The following ARSG variants were observed in gnomAD, a reference collection of about 807,000 sequenced individuals.
The protein encoded by ARSG is ASG.
Under a neutral mutation model 50.5 loss-of-function variants are expected in ARSG, and 37 were observed. The ratio of observed to expected loss-of-function variants is 0.73; its 90% CI spans 0.56 to 0.96. ARSG has a LOEUF of 0.96. Among genes scored for constraint, ARSG ranks in the 50% least tolerant of loss-of-function variants. The pLI is 0.00. For synonymous variants in ARSG, 225 were observed against 254.6 expected (o/e 0.88, Z 1.11); for missense variants, 629 against 675.3 (o/e 0.93, Z 0.76).
chr17:68,327,080 G>A (rs894526634), intron 2 of ARSG, among the ~76,000 whole-genome samples: 3 of 152,184 alleles, frequency 2.0e-5, no homozygotes, highest in Admixed American at 6.5e-5. Flanking sequence ...GAAAGACTTT[G>A]TGATAATAGT....
intron 5 of ARSG, among the ~76,000 whole-genome samples, chr17:68,354,649 C>T (rs373068426): frequency 4.0e-4 from 60 of 151,172 alleles, no homozygotes; most frequent in African/African-American, 1.3e-3. Context: ...TTTGGGAGGC[C>T]GAGGTGGGTG....
intron 1 of ARSG, among the ~76,000 whole-genome samples, chr17:68,261,580 T>C (rs532979456): frequency 2.6e-5 from 4 of 152,194 alleles, no homozygotes; most frequent in African/African-American, 9.6e-5. Flanking sequence ...GGTTTTACCA[T>C]GTTGACCAGG....
chr17:68,412,755 C>T (rs972338193), intron 11 of ARSG, among the ~76,000 whole-genome samples: 4 of 152,198 alleles, frequency 2.6e-5, no homozygotes, highest in African/African-American at 4.8e-5. Context: ...CTTTCAGGTA[C>T]ACCAATCAGA....
In ARSG at chr17:68,409,472, T is replaced by C. The variant is rs1456651067; in HGVS notation, c.1303+8022T>C. Among the ~76,000 whole-genome samples the C allele has an allele frequency of 2.0e-5, 3 of 151,368 alleles. No individual in the cohort carries two copies. The East Asian group carries it at 5.8e-4, about 29-fold the overall frequency. ...TTCCTGAGGGCTCTGTTCTGTTCCA[T>C]TGATCTATATCTCTGTTTTGGTACC... On this transcript the variant is annotated intron_variant, in intron 11 of 11. Coordinates refer to ENST00000621439, the MANE Select transcript of ARSG (RefSeq NM_001267727.2).
the ARSG span, among the ~76,000 whole-genome samples, chr17:68,434,315 G>A: frequency 7.2e-5 from 11 of 152,118 alleles, no homozygotes; most frequent in South Asian, 2.1e-4. Flanking sequence ...TGTGCCGGCC[G>A]CCCACACACA....
At chr17:68,412,275 T>G (rs969140468) in intron 11 of ARSG, among the ~76,000 whole-genome samples, 1 of 152,236 alleles carries the variant, frequency 6.6e-6, no homozygotes, top group East Asian at 1.9e-4. Context: ...TTCCTTTCCA[T>G]GTTTAGTGCT....
intron 2 of ARSG, among the ~76,000 whole-genome samples, chr17:68,341,498 T>A (rs1334404046): frequency 6.6e-6 from 1 of 152,220 alleles, no homozygotes; most frequent in East Asian, 1.9e-4. Context: ...AACAGTCCCA[T>A]CTTTTAGATT....
chr17:68,432,624 C>A, the ARSG span, among the ~76,000 whole-genome samples: 1 of 151,998 alleles, frequency 6.6e-6, no homozygotes, highest in Non-Finnish European at 1.5e-5. Flanking sequence ...GCCTCTGTTA[C>A]GTATGTGTTA....
At chr17:68,436,508 G>A in the ARSG span, 6 of 1,603,176 alleles carry the variant, frequency 3.7e-6, no homozygotes, top group East Asian at 2.2e-5. Flanking sequence ...AACATGAGAA[G>A]CCTGGGGCCA....
At chr17:68,260,300 G>T (rs1424529996) in intron 1 of ARSG, among the ~76,000 whole-genome samples, 1 of 152,150 alleles carries the variant, frequency 6.6e-6, no homozygotes, top group African/African-American at 2.4e-5. Context: ...TCACTGTGCT[G>T]CATGACCTCA....
At chr17:68,365,290 A>G (rs1427158101) in intron 6 of ARSG, among the ~76,000 whole-genome samples, 1 of 152,058 alleles carries the variant, frequency 6.6e-6, no homozygotes, top group South Asian at 2.1e-4. Context: ...CCAGCTTGGG[A>G]GACAGAGCGA....
At chr17:68,350,675 C>G (rs2146362112) in intron 4 of ARSG, among the ~76,000 whole-genome samples, 1 of 152,242 alleles carries the variant, frequency 6.6e-6, no homozygotes, top group Non-Finnish European at 1.5e-5. Flanking sequence ...GTCCCAGCTA[C>G]TCAGGAGGCT....
intron 9 of ARSG, among the ~76,000 whole-genome samples, chr17:68,394,404 C>G (rs932199013): frequency 4.6e-5 from 7 of 151,976 alleles, no homozygotes; most frequent in Non-Finnish European, 1.0e-4. Flanking sequence ...GAGTTTGAAA[C>G]CAGCCTAGGC....
At chr17:68,342,060 T>C (rs958282360) in intron 2 of ARSG, among the ~76,000 whole-genome samples, 1 of 152,092 alleles carries the variant, frequency 6.6e-6, no homozygotes, top group African/African-American at 2.4e-5. Context: ...CCTCAGTTGA[T>C]CCACCTGCCT....
At chr17:68,311,973 G>A (rs1213135591) in intron 2 of ARSG, among the ~76,000 whole-genome samples, 1 of 151,888 alleles carries the variant, frequency 6.6e-6, no homozygotes, top group Non-Finnish European at 1.5e-5. Context: ...GCTAATTTTT[G>A]TATTTTTGTA....
chr17:68,432,751 T>G, the ARSG span, among the ~76,000 whole-genome samples: 1 of 152,194 alleles, frequency 6.6e-6, no homozygotes, highest in Non-Finnish European at 1.5e-5. Flanking sequence ...TGATCCTGCC[T>G]TTCTCTGCAG....
intron 1 of ARSG, among the ~76,000 whole-genome samples, chr17:68,302,875 C>T (rs140150844): frequency 2.0e-5 from 3 of 152,238 alleles, no homozygotes; most frequent in Non-Finnish European, 4.4e-5. Flanking sequence ...TGTTGACTGA[C>T]GTGGCCGAGT....
At chr17:68,322,015 T>C (rs2077304410) in intron 2 of ARSG, among the ~76,000 whole-genome samples, 1 of 151,852 alleles carries the variant, frequency 6.6e-6, no homozygotes, top group Non-Finnish European at 1.5e-5. Flanking sequence ...TTTTTGGGGG[T>C]GGGTACAGCG....
At chr17:68,412,316 G>A (rs1366520747) in intron 11 of ARSG, among the ~76,000 whole-genome samples, 2 of 139,124 alleles carry the variant, frequency 1.4e-5, no homozygotes, top group Non-Finnish European at 3.2e-5. Flanking sequence ...GGCAGGCCTG[G>A]TGGTGACAAA....
Sources: gnomAD v4.1 joint callset for allele counts (sites outside exome capture counted in the v4.1 genomes callset) on GRCh38, gnomAD v4.1.1 for gene constraint, MANE v1.5 for transcripts, NCBI Gene and HGNC (gene_info 2026-07-23, HGNC 2026-07-21) for gene names.